CHM: variants seen among roughly 807,000 people sequenced by gnomAD.
CHM encodes rab proteins geranylgeranyltransferase component A 1.
A neutral mutation model predicts 49.0 loss-of-function variants in CHM; 10 were observed. That is an observed-to-expected ratio of 0.20 (90% CI 0.13 to 0.35). CHM has a LOEUF of 0.35. Ranked by LOEUF, CHM falls within the 10% of genes least tolerant of loss-of-function variation. The pLI, the probability that CHM is intolerant of heterozygous loss-of-function variation, is 1.00. For missense variants in CHM, 455 were observed against 478.4 expected (o/e 0.95, Z 0.46); for synonymous variants, 184 against 167.5 (o/e 1.10, Z -0.76).
At chrX:85,910,279 A>T (rs1926847681) in intron 9 of CHM, among the ~76,000 whole-genome samples, 1 of 111,724 alleles carries the variant, frequency 9.0e-6, no homozygotes. Flanking sequence ...AAATGAAAGA[A>T]ACAGCTTAAA....
Position 85,922,297 on chromosome X carries a change from A to G in CHM, c.1167-10959T>C, listed in dbSNP as rs1239097509. On this transcript the variant is annotated intron_variant, in intron 8 of 14. Transcript: ENST00000357749. ...AAGTAAATTATCAGAGTTTTCACTT[A>G]TGCTAACATTCCCCCCTTTTTTTTC... Among the ~76,000 whole-genome samples the G allele has an allele frequency of 1.8e-5, 2 of 112,745 alleles. 1 individual carries two copies. The highest frequency in any genetic ancestry group is 7.3e-4 in the South Asian group (2 of 2,737).
At chrX:85,926,441 T>C (rs1478972232) in intron 8 of CHM, among the ~76,000 whole-genome samples, 1 of 111,165 alleles carries the variant, frequency 9.0e-6, no homozygotes, top group Non-Finnish European at 1.9e-5. Flanking sequence ...ACAAAAACCA[T>C]GTTCTTCCCT....
At chrX:85,946,308 G>A (rs1177548647) in intron 8 of CHM, among the ~76,000 whole-genome samples, 1 of 112,397 alleles carries the variant, frequency 8.9e-6, no homozygotes, top group Non-Finnish European at 1.9e-5. Flanking sequence ...CAAGACAATG[G>A]GAAAAAGGCT....
At chrX:85,978,648 C>T (rs867374173) in intron 4 of CHM, 119 bp downstream of exon 4, 2 of 702,309 alleles carry the variant, frequency 2.8e-6, no homozygotes, top group African/African-American at 4.3e-5. Context: ...ACAGGCAAAA[C>T]CAGCATATTA....
At chrX:85,934,388 T>A (rs1373293620) in intron 8 of CHM, among the ~76,000 whole-genome samples, 3 of 102,531 alleles carry the variant, frequency 2.9e-5, no homozygotes, top group African/African-American at 1.1e-4. Flanking sequence ...AACACATCGT[T>A]TACATTAGGT....
intron 6 of CHM, among the ~76,000 whole-genome samples, chrX:85,958,513 G>A (rs778273691): frequency 1.8e-5 from 2 of 111,194 alleles, no homozygotes; most frequent in Admixed American, 1.9e-4. Context: ...CCTCCTCTGT[G>A]TGGAATCTGA....
At chrX:85,950,001 A>ATATATATATATATATATC (rs1929652864) in intron 8 of CHM, among the ~76,000 whole-genome samples, 1 of 86,980 alleles carries the variant, frequency 1.1e-5, no homozygotes, top group Non-Finnish European at 2.2e-5. Flanking sequence ...ATATATATAT[A>ATATATATATATATATATC]TATATATATC....
intron 2 of CHM, among the ~76,000 whole-genome samples, chrX:86,021,125 C>CATATATATATATAT (rs1569254991): frequency 1.2e-3 from 24 of 19,983 alleles, no homozygotes; most frequent in Non-Finnish European, 1.3e-3. Context: ...TGTGTATATA[C>CATATATATATATAT]GTATATATAT....
intron 1 of CHM, 140 bp downstream of exon 1, chrX:86,047,344 T>C (rs887370179): frequency 2.1e-5 from 12 of 570,368 alleles, no homozygotes; most frequent in Admixed American, 5.3e-5. Context: ...CCGCGCTGAC[T>C]CCGGACTACC....
intron 8 of CHM, among the ~76,000 whole-genome samples, chrX:85,920,064 T>C (rs1372640067): frequency 1.8e-5 from 2 of 111,325 alleles, no homozygotes; most frequent in African/African-American, 3.3e-5. Context: ...CAACGAGCAA[T>C]AGTGGAAATC....
At chrX:85,989,246 G>A (rs776661874) in intron 2 of CHM, among the ~76,000 whole-genome samples, 1 of 111,392 alleles carries the variant, frequency 9.0e-6, no homozygotes, top group East Asian at 2.8e-4. Context: ...GAAGCAATGG[G>A]GAAAAGACTC....
At chrX:85,878,855 T>C (rs1924578870) in intron 13 of CHM, 110 bp downstream of exon 13, 1 of 554,209 alleles carries the variant, frequency 1.8e-6, no homozygotes, top group Non-Finnish European at 3.1e-6. Context: ...TGAATTGTTG[T>C]TGAATACATC....
At chrX:85,908,371 C>T (rs1250776045) in intron 9 of CHM, among the ~76,000 whole-genome samples, 2 of 111,744 alleles carry the variant, frequency 1.8e-5, no homozygotes, top group African/African-American at 3.3e-5. Context: ...GGTAAAGATA[C>T]GCTGACCTGA....
intron 8 of CHM, among the ~76,000 whole-genome samples, chrX:85,919,593 T>A (rs1331062833): frequency 1.8e-5 from 2 of 110,674 alleles, no homozygotes; most frequent in African/African-American, 6.6e-5. Flanking sequence ...ATATACTATA[T>A]GGAAAAAAAA....
chrX:86,016,928 C>T (rs750900162), intron 2 of CHM, among the ~76,000 whole-genome samples: 140 of 112,477 alleles, frequency 1.2e-3, no homozygotes, highest in Non-Finnish European at 2.2e-3. Flanking sequence ...GTTACAGGGG[C>T]GGAGCTGCCC....
chrX:86,033,129 C>T (rs1934107082), intron 1 of CHM, among the ~76,000 whole-genome samples: 1 of 111,605 alleles, frequency 9.0e-6, no homozygotes, highest in Admixed American at 9.5e-5. Flanking sequence ...TCATTTACAA[C>T]TATAACATTT....
In CHM at chrX:85,998,124, G is replaced by C. The variant is rs1391001747; in HGVS notation, c.117-16315C>G. On this transcript the variant is annotated intron_variant, in intron 2 of 14. Transcript: ENST00000357749. Reference sequence around the variant, plus strand: ...GGTCTCATTTCGTTTTGTAGCTTTTGTCAAATATTTATTTGTAAAAAAAAA... The same window carrying C: ...GGTCTCATTTCGTTTTGTAGCTTTTCTCAAATATTTATTTGTAAAAAAAAA... Among the ~76,000 whole-genome samples, 3 of 109,430 alleles carry C rather than the reference G, an allele frequency of 2.7e-5. No individual in the cohort carries two copies. In the Admixed American group the frequency reaches 2.9e-4, roughly 11 times the overall value.
At chrX:85,974,735 T>C (rs1364788111) in intron 4 of CHM, among the ~76,000 whole-genome samples, 1 of 108,941 alleles carries the variant, frequency 9.2e-6, no homozygotes, top group Non-Finnish European at 1.9e-5. Context: ...CATAAAACTA[T>C]AATTAAAAAA....
chrX:85,933,244 GA>G (rs1300521685), intron 8 of CHM, among the ~76,000 whole-genome samples: 3 of 110,508 alleles, frequency 2.7e-5, no homozygotes, highest in African/African-American at 9.9e-5. Flanking sequence ...AAATAAATAA[GA>G]AAAAAAATCT....
Sources: allele counts gnomAD v4.1 joint callset (sites outside exome capture counted in the v4.1 genomes callset), GRCh38; gene constraint gnomAD v4.1.1; transcripts MANE v1.5; gene names NCBI Gene and HGNC (gene_info 2026-07-23, HGNC 2026-07-21).